The following ANO3 variants were observed in gnomAD, a reference collection of about 807,000 sequenced individuals.
ANO3 encodes anoctamin-3.
In ANO3, 99 loss-of-function variants were observed where a neutral mutation model predicts 144.8. The ratio of observed to expected loss-of-function variants is 0.68; its 90% CI spans 0.58 to 0.81. The LOEUF (loss-of-function observed/expected upper bound fraction) is 0.81. Among genes scored for constraint, ANO3 ranks in the 30% least tolerant of loss-of-function variants. ANO3 has a pLI of 0.00. For missense variants in ANO3, 905 were observed against 1,202.2 expected (o/e 0.75, Z 3.66); for synonymous variants, 414 against 392.6 (o/e 1.05, Z -0.64).
chr11:26,520,377 G>A (rs1862026152), intron 6 of ANO3, among the ~76,000 whole-genome samples: 1 of 152,068 alleles, frequency 6.6e-6, no homozygotes, highest in Non-Finnish European at 1.5e-5. Flanking sequence ...AAATGAAAAA[G>A]GGGGGGAAAA....
chr11:26,255,520 T>C (rs1054958395), intron 1 of ANO3, among the ~76,000 whole-genome samples: 16 of 152,148 alleles, frequency 1.1e-4, no homozygotes, highest in African/African-American at 3.6e-4. Flanking sequence ...CATTTTCAGA[T>C]AGTACTACCT....
At chr11:26,203,266 T>A (rs887320026) in intron 1 of ANO3, among the ~76,000 whole-genome samples, 1 of 152,152 alleles carries the variant, frequency 6.6e-6, no homozygotes, top group Non-Finnish European at 1.5e-5. Context: ...AGAAATAATA[T>A]GATTTTAAAA....
At chr11:26,247,780 G>A (rs577454788) in intron 1 of ANO3, among the ~76,000 whole-genome samples, 2 of 138,462 alleles carry the variant, frequency 1.4e-5, no homozygotes, top group Non-Finnish European at 3.0e-5. Context: ...CCAGGCTGGA[G>A]TGCAGTGGCG....
At chr11:26,452,727 G>T (rs1210157661) in intron 3 of ANO3, among the ~76,000 whole-genome samples, 1 of 152,012 alleles carries the variant, frequency 6.6e-6, no homozygotes, top group Non-Finnish European at 1.5e-5. Flanking sequence ...GAAATACAGA[G>T]AACACCACAA....
chr11:26,391,821 C>T (rs907923524), intron 1 of ANO3, among the ~76,000 whole-genome samples: 1 of 152,104 alleles, frequency 6.6e-6, no homozygotes, highest in African/African-American at 2.4e-5. Flanking sequence ...AATGGAAACA[C>T]TCATACATTC....
At chr11:26,332,393 G>C (rs376507407) in intron 1 of ANO3, 72 bp downstream of exon 1, 3 of 1,482,980 alleles carry the variant, frequency 2.0e-6, no homozygotes, top group African/African-American at 2.8e-5. Flanking sequence ...AGTTGTGTAG[G>C]AGCATCCTTT....
At position 26,273,047 on chromosome 11, in the gene ANO3, A is replaced by G. The variant is rs550619706; in HGVS notation, c.155-36598A>G. ...ATTGAGCGTACTTAATGAAATACCT[A>G]TAAATATAAAGCTGCTAACTCCAGT... On this transcript the variant is annotated intron_variant, in intron 1 of 27. Coordinates refer to the ANO3 transcript ENST00000672621. 4.6e-5 allele frequency among the ~76,000 whole-genome samples: 7 copies of G among 152,266 alleles called. No individual in the cohort carries two copies. The East Asian group carries it at 1.2e-3, about 25-fold the overall frequency.
chr11:26,292,567 T>G (rs1853985296), intron 1 of ANO3, among the ~76,000 whole-genome samples: 1 of 152,196 alleles, frequency 6.6e-6, no homozygotes, highest in Non-Finnish European at 1.5e-5. Flanking sequence ...CCTTTCGTAT[T>G]TGATGATGGT....
At chr11:26,516,742 T>C (rs1486791658) in intron 5 of ANO3, 85 bp from the exon 6 acceptor site, 6 of 891,978 alleles carry the variant, frequency 6.7e-6, no homozygotes, top group Non-Finnish European at 1.1e-5. Context: ...AAGGGGACAA[T>C]GTTCTTTATT....
At chr11:26,248,941 T>G (rs1246826713) in intron 1 of ANO3, among the ~76,000 whole-genome samples, 1 of 152,112 alleles carries the variant, frequency 6.6e-6, no homozygotes, top group Non-Finnish European at 1.5e-5. Context: ...AGGATCTAGG[T>G]TGTGTACTCC....
intron 4 of ANO3, among the ~76,000 whole-genome samples, chr11:26,464,667 A>G (rs1184306253): frequency 6.6e-6 from 1 of 151,818 alleles, no homozygotes; most frequent in Admixed American, 6.6e-5. Context: ...TGATTGTAAC[A>G]TTAATGATAA....
intron 24 of ANO3, among the ~76,000 whole-genome samples, chr11:26,650,906 A>G (rs75652351): frequency 0.012 from 1,813 of 152,308 alleles, 47 homozygotes; most frequent in African/African-American, 0.042. Flanking sequence ...TTGGATACTT[A>G]GCAGTCTTTT....
At chr11:26,544,271 T>TATAC (rs1206837528) in intron 11 of ANO3, among the ~76,000 whole-genome samples, 1 of 74,686 alleles carries the variant, frequency 1.3e-5, no homozygotes, top group African/African-American at 4.7e-5. Flanking sequence ...TATATATATA[T>TATAC]ATACACACAT....
chr11:26,305,809 T>C (rs143614498), upstream of ANO3, among the ~76,000 whole-genome samples: 89 of 152,340 alleles, frequency 5.8e-4, no homozygotes, highest in East Asian at 0.017. Flanking sequence ...ATTTAGTATG[T>C]AGGGCTCGCT....
chr11:26,451,200 G>A (rs1346859418), intron 3 of ANO3, among the ~76,000 whole-genome samples: 5 of 152,194 alleles, frequency 3.3e-5, no homozygotes, highest in Non-Finnish European at 1.5e-5. Context: ...GAGGTACCGG[G>A]TTCATCTCAC....
intron 4 of ANO3, among the ~76,000 whole-genome samples, chr11:26,505,459 T>C (rs1041999120): frequency 2.0e-5 from 3 of 152,182 alleles, no homozygotes; most frequent in Admixed American, 6.5e-5. Flanking sequence ...ATATAGATGG[T>C]TATTTAAAGC....
intron 14 of ANO3, among the ~76,000 whole-genome samples, chr11:26,574,956 G>T (rs1264306689): frequency 6.6e-6 from 1 of 151,938 alleles, no homozygotes; most frequent in Non-Finnish European, 1.5e-5. Context: ...TTGTAAACCT[G>T]GTCAATCAAC....
intron 1 of ANO3, among the ~76,000 whole-genome samples, chr11:26,409,762 G>A (rs1485803850): frequency 6.6e-6 from 1 of 151,936 alleles, no homozygotes; most frequent in African/African-American, 2.4e-5. Context: ...ATATTAAATT[G>A]CGTGTGAGTA....
In ANO3 at chr11:26,656,120, C is replaced by T. The variant is rs1325455047; in HGVS notation, c.2577-5C>T. The T allele has an allele frequency of 1.2e-6, 2 of 1,607,678 alleles. No homozygotes were observed. Among genetic ancestry groups the T allele is most frequent in the Non-Finnish European group, 1.7e-6 (2 of 1,176,202 alleles). ...GAATCACATGATATTTTTCTTTTCTCCCAGTTGCTTGAAGGGATATGTCAA... is the reference window on the plus strand; with the variant it reads ...GAATCACATGATATTTTTCTTTTCTTCCAGTTGCTTGAAGGGATATGTCAA... On this transcript the variant is annotated splice_region_variant and splice_polypyrimidine_tract_variant and intron_variant, in intron 24 of 26. Transcript: ENST00000256737.
Sources: allele counts gnomAD v4.1 joint callset (sites outside exome capture counted in the v4.1 genomes callset), GRCh38; gene constraint gnomAD v4.1.1; transcripts MANE v1.5; gene names NCBI Gene and HGNC (gene_info 2026-07-23, HGNC 2026-07-21).